Variants in WNT8B observed in about 807,000 individuals in gnomAD.
WNT8B encodes Wnt family member 8B.
A neutral mutation model predicts 36.6 loss-of-function variants in WNT8B; 24 were observed. That is an observed-to-expected ratio of 0.66 (90% CI 0.48 to 0.92). The LOEUF is 0.92. Among genes scored for constraint, WNT8B ranks in the 40% least tolerant of loss-of-function variants. The probability of loss-of-function intolerance (pLI) is 0.00; values close to 1 mark genes in which losing one functional copy is unlikely to be tolerated. For synonymous variants in WNT8B, 199 were observed against 189.8 expected (o/e 1.05, Z -0.40); for missense variants, 402 against 470.8 (o/e 0.85, Z 1.35).
chr10:100,473,315 A>C (rs1219610645), intron 1 of WNT8B, among the ~76,000 whole-genome samples: 1 of 152,260 alleles, frequency 6.6e-6, no homozygotes, highest in Non-Finnish European at 1.5e-5. Flanking sequence ...GCACCCTTTA[A>C]CAAATCAATG....
chr10:100,479,864 G>A lies in WNT8B; in HGVS notation c.103-10G>A, dbSNP rs1298350668. ...GTTCAGTCTGAATTTTTACCCCTAT[G>A]TCCCTACAGGCTTACCTGATTTACT... On this transcript the variant is annotated splice_polypyrimidine_tract_variant and intron_variant, in intron 2 of 5. Transcript: ENST00000343737. 6.2e-7 allele frequency: 1 copy of A among 1,613,580 alleles called. No individual in the cohort carries two copies. The highest frequency in any genetic ancestry group is 1.3e-5 in the African/African-American group (1 of 74,888).
At chr10:100,472,642 C>T (rs990541479) in intron 1 of WNT8B, among the ~76,000 whole-genome samples, 9 of 152,130 alleles carry the variant, frequency 5.9e-5, no homozygotes, top group African/African-American at 1.2e-4. Context: ...CACACACACA[C>T]GTATACTGGA....
At position 100,482,599 on chromosome 10, in the gene WNT8B, G is replaced by T; in HGVS notation, c.839G>T (p.Gly280Val). The T allele has an allele frequency of 6.3e-7, 1 of 1,598,462 alleles. No individual in the cohort carries two copies. The highest frequency in any genetic ancestry group is 8.5e-7 in the Non-Finnish European group (1 of 1,177,296). Residue 280 changes from glycine to valine, a missense_variant, in exon 6 of 6, where the codon GGT becomes GTT. Gly to Val is a moderately radical substitution (Grantham distance 109). This residue lies in a region of WNT8B where 256 missense variants were observed against 278.6 expected (regional missense o/e 0.92). Coordinates refer to ENST00000343737, the MANE Select transcript of WNT8B (RefSeq NM_003393.4). This position sits in a 1 kb window ranked among gnomAD's most constrained non-coding sequence, Gnocchi z 6.6. ...RECLRRGRAL[G>V]RWERRSCRRL... ...TGCCTAAGGCGCGGGCGGGCCCTGG[G>T]TCGCTGGGAACGCCGCAGCTGCCGC...
intron 1 of WNT8B, among the ~76,000 whole-genome samples, chr10:100,478,280 T>G (rs1851065262): frequency 6.6e-6 from 1 of 152,212 alleles, no homozygotes; most frequent in Non-Finnish European, 1.5e-5. Context: ...ACTTATTAGC[T>G]GGGTGAGCCT....
chr10:100,477,879 C>T (rs1208690342), intron 1 of WNT8B, among the ~76,000 whole-genome samples: 3 of 150,924 alleles, frequency 2.0e-5, no homozygotes, highest in East Asian at 1.9e-4. Flanking sequence ...CAGGTTCAAG[C>T]GATTCTTGTG....
chr10:100,480,379 G>T (rs1851094886), intron 3 of WNT8B, among the ~76,000 whole-genome samples: 1 of 152,204 alleles, frequency 6.6e-6, no homozygotes, highest in African/African-American at 2.4e-5. Context: ...CTGGGCAAGT[G>T]GAGAGTGACT....
At chr10:100,477,765 T>G (rs1011979310) in intron 1 of WNT8B, among the ~76,000 whole-genome samples, 20 of 150,292 alleles carry the variant, frequency 1.3e-4, no homozygotes, top group Admixed American at 3.3e-4. Flanking sequence ...TATGACAAGT[T>G]CATTTTTAGT....
intron 2 of WNT8B, 39 bp from the exon 3 acceptor site, chr10:100,479,835 C>T: frequency 6.2e-7 from 1 of 1,609,540 alleles, no homozygotes; most frequent in Non-Finnish European, 8.5e-7. Context: ...TAAATGCCTC[C>T]TAAGTTCAGT....
intron 1 of WNT8B, among the ~76,000 whole-genome samples, chr10:100,473,071 G>T (rs962854365): frequency 1.3e-5 from 2 of 151,950 alleles, no homozygotes; most frequent in Non-Finnish European, 2.9e-5. Flanking sequence ...CACTTTTATA[G>T]GCACTTACTA....
intron 2 of WNT8B, 64 bp downstream of exon 2, chr10:100,479,149 T>C (rs2133657602): frequency 1.4e-6 from 2 of 1,441,746 alleles, no homozygotes; most frequent in South Asian, 1.3e-5. Context: ...CTAAAGATGA[T>C]AAATGCAGAT....
Position 100,463,051 on chromosome 10 carries a change from C to A in WNT8B, c.-118C>A. The A allele has an allele frequency of 3.3e-6, 3 of 911,028 alleles. No homozygotes were observed. Among genetic ancestry groups the A allele is most frequent in the Non-Finnish European group, 5.2e-6 (3 of 577,408 alleles). The allele number at this position is 911,028 out of a possible 1,614,324, so 56.4% of individuals were successfully genotyped here. A position where few individuals can be genotyped will look rare whatever the true frequency, so the allele number is the denominator to read the frequency against. ...AACTCTGTTTGGGATCGCTTACACA[C>A]CAAGGAAGTTGGGCTTTGAGAATTC... On this transcript the variant is annotated 5_prime_UTR_variant, in exon 1 of 6. Coordinates refer to ENST00000343737, the MANE Select transcript of WNT8B (RefSeq NM_003393.4).
chr10:100,467,368 G>C (rs1850918117), intron 1 of WNT8B, among the ~76,000 whole-genome samples: 1 of 152,088 alleles, frequency 6.6e-6, no homozygotes, highest in Admixed American at 6.6e-5. Flanking sequence ...TATGGTACCA[G>C]CACATTATGG....
intron 1 of WNT8B, among the ~76,000 whole-genome samples, chr10:100,473,753 C>A (rs1409679432): frequency 6.6e-6 from 1 of 152,062 alleles, no homozygotes; most frequent in Non-Finnish European, 1.5e-5. Context: ...TGGCCAAACC[C>A]CATCTCTACT....
intron 1 of WNT8B, among the ~76,000 whole-genome samples, chr10:100,478,646 A>G (rs1404955091): frequency 6.6e-6 from 1 of 151,962 alleles, no homozygotes; most frequent in African/African-American, 2.4e-5. Context: ...CAGTGGCGCA[A>G]TCTCGGCTCA....
At chr10:100,464,191 C>T (rs1266396244) in intron 1 of WNT8B, among the ~76,000 whole-genome samples, 1 of 152,120 alleles carries the variant, frequency 6.6e-6, no homozygotes, top group Non-Finnish European at 1.5e-5. Flanking sequence ...ATTGAAAATA[C>T]ATTTTTATCA....
Position 100,480,024 on chromosome 10 carries a change from C to T in WNT8B, c.241+12C>T. 6.2e-7 allele frequency: 1 copy of T among 1,612,298 alleles called. No homozygotes were observed. The highest frequency in any genetic ancestry group is 1.7e-5 in the Admixed American group (1 of 59,974). On this transcript the variant is annotated intron_variant, in intron 3 of 5. Transcript: ENST00000343737. ...TGGGCTTCGCAGTGGTAAGAAAAAC[C>T]TCAGCCACAGCTCCCTGGACCCTCT...
At chr10:100,475,928 G>A (rs906139003) in intron 1 of WNT8B, among the ~76,000 whole-genome samples, 1 of 152,098 alleles carries the variant, frequency 6.6e-6, no homozygotes, top group African/African-American at 2.4e-5. Flanking sequence ...GTGTTTTGCT[G>A]GTGCTACTAC....
At chr10:100,473,190 T>C (rs1850998223) in intron 1 of WNT8B, among the ~76,000 whole-genome samples, 1 of 152,200 alleles carries the variant, frequency 6.6e-6, no homozygotes, top group Admixed American at 6.5e-5. Flanking sequence ...CAGAGAAAAG[T>C]TGCTGTGAGG....
At position 100,482,460 on chromosome 10, in the gene WNT8B, A is replaced by G. The variant is rs758188206; in HGVS notation, c.700A>G (p.Ile234Val). The G allele has an allele frequency of 6.2e-7, 1 of 1,604,472 alleles. No individual in the cohort carries two copies. Among genetic ancestry groups the G allele is most frequent in the Non-Finnish European group, 8.5e-7 (1 of 1,179,836 alleles). The part of the protein sequence containing the change: ...AGNSAAGRGA[I>V]ADTFRSISTR... ...CAACAGCGCGGCCGGCCGCGGCGCCATCGCCGACACCTTTCGCTCCATCTC... is the reference window on the plus strand; with the variant it reads ...CAACAGCGCGGCCGGCCGCGGCGCCGTCGCCGACACCTTTCGCTCCATCTC... Residue 234 changes from isoleucine (I) to valine (V), a missense_variant, in exon 6 of 6, where the codon ATC becomes GTC. Ile to Val is a conservative substitution (Grantham distance 29). This residue lies in a region of WNT8B where 256 missense variants were observed against 278.6 expected (regional missense o/e 0.92). Coordinates refer to ENST00000343737, the MANE Select transcript of WNT8B (RefSeq NM_003393.4). This position sits in a 1 kb window ranked among gnomAD's most constrained non-coding sequence, Gnocchi z 6.6.
Sources: allele counts gnomAD v4.1 joint callset (sites outside exome capture counted in the v4.1 genomes callset), GRCh38; gene constraint gnomAD v4.1.1; regional missense constraint gnomAD v4.1.1; non-coding constraint Gnocchi (gnomAD v3.1); transcripts MANE v1.5; gene names NCBI Gene and HGNC (gene_info 2026-07-23, HGNC 2026-07-21).